SLC13A5: variants seen among roughly 807,000 people sequenced by gnomAD.
The protein encoded by SLC13A5 is Na(+)/citrate cotransporter.
In SLC13A5, 25 loss-of-function variants were observed where a neutral mutation model predicts 56.5. The ratio of observed to expected loss-of-function variants is 0.44; its 90% confidence interval spans 0.32 to 0.62. SLC13A5 has a LOEUF of 0.62. Ranked by LOEUF, SLC13A5 falls within the 20% of genes least tolerant of loss-of-function variation. The pLI is 0.04. For missense variants in SLC13A5, 649 were observed against 737.8 expected (o/e 0.88, Z 1.39); for synonymous variants, 307 against 301.5 (o/e 1.02, Z -0.19).
At position 6,702,995 on chromosome 17, in the gene SLC13A5, C is replaced by T. The variant is rs759705331; in HGVS notation, c.691G>A (p.Val231Met). The T allele has an allele frequency of 8.7e-6, 14 of 1,614,078 alleles. No individual in the cohort carries two copies. Among genetic ancestry groups the T allele is most frequent in the East Asian group, 2.2e-5 (1 of 44,898 alleles). ...TATLTGTGPN[V>M]VLLGQMNELF... ...TCGTTCATCTGGCCCAGGAGCACCA[C>T]GTTGGGTCCCGTCCCGGTCAGGGTG... is the stretch of plus-strand genomic sequence containing the variant. The change falls in exon 5 of 12, where the codon GTG (valine) becomes ATG (methionine). Residue 231 changes from valine (V) to methionine (M), a missense_variant. Val to Met is a conservative substitution (Grantham distance 21). Coordinates refer to ENST00000433363, the MANE Select transcript of SLC13A5 (RefSeq NM_177550.5).
intron 6 of SLC13A5, among the ~76,000 whole-genome samples, chr17:6,698,517 C>T (rs1238149921): frequency 6.6e-6 from 1 of 152,316 alleles, no homozygotes; most frequent in Non-Finnish European, 1.5e-5. Context: ...CCTGGTCATG[C>T]TTAGGTCTGG....
intron 7 of SLC13A5, 75 bp downstream of exon 7, chr17:6,695,651 A>G: frequency 6.6e-7 from 1 of 1,508,784 alleles, no homozygotes; most frequent in African/African-American, 1.4e-5. Flanking sequence ...TCAGCCTCCC[A>G]AAGTGCTGGG....
At chr17:6,703,337 G>A (rs1973770401) in intron 4 of SLC13A5, among the ~76,000 whole-genome samples, 199 bp from the exon 5 acceptor site, 1 of 152,234 alleles carries the variant, frequency 6.6e-6, no homozygotes, top group Non-Finnish European at 1.5e-5. Flanking sequence ...CCCAGGGTCT[G>A]GCAATCAGGC....
At chr17:6,706,616 T>A in intron 3 of SLC13A5, 26 bp downstream of exon 3, 1 of 1,610,240 alleles carries the variant, frequency 6.2e-7, no homozygotes, top group Non-Finnish European at 8.5e-7. Context: ...CAGAGCCACG[T>A]GGCAAGAGAG....
intron 6 of SLC13A5, among the ~76,000 whole-genome samples, chr17:6,697,857 T>C (rs1217026508): frequency 1.3e-5 from 2 of 152,172 alleles, no homozygotes; most frequent in Admixed American, 6.5e-5. Flanking sequence ...TTCAGCAAGA[T>C]AGTTGTTCTG....
chr17:6,686,365 T>C lies in SLC13A5; in HGVS notation c.1576-27A>G, dbSNP rs200082361. On this transcript the variant is annotated intron_variant, in intron 11 of 11. Coordinates refer to ENST00000433363, the MANE Select transcript of SLC13A5 (RefSeq NM_177550.5). ...TGGAAAAGAGACAGAGTCAGCACCCTGAGGCCTGCTGGGGACTAGTGCTCT... is the reference window on the plus strand; with the variant it reads ...TGGAAAAGAGACAGAGTCAGCACCCCGAGGCCTGCTGGGGACTAGTGCTCT... 107 of 1,613,404 alleles carry C rather than the reference T, an allele frequency of 6.6e-5. No homozygotes were observed. The African/African-American group carries it at 1.1e-3, about 17-fold the overall frequency.
rs778685847 is a variant in SLC13A5, at chr17:6,702,956, G to A, written c.716+14C>T. On this transcript the variant is annotated intron_variant, in intron 5 of 11. Coordinates refer to ENST00000433363, the MANE Select transcript of SLC13A5 (RefSeq NM_177550.5). ...CCACTTCGTTGTCCCCAGAAGGTGC[G>A]ACCAAGGACTCACTCGTTCATCTGG... 1.1e-5 allele frequency: 17 copies of A among 1,605,794 alleles called. No individual in the cohort carries two copies. In the Admixed American group the frequency reaches 1.2e-4, roughly 11 times the overall value.
At chr17:6,694,513 CA>C (rs1973507614) in intron 7 of SLC13A5, among the ~76,000 whole-genome samples, 1 of 152,014 alleles carries the variant, frequency 6.6e-6, no homozygotes, top group Non-Finnish European at 1.5e-5. Flanking sequence ...AGCTACTCGG[CA>C]GGCTGAGGCA....
intron 1 of SLC13A5, among the ~76,000 whole-genome samples, chr17:6,708,002 C>T (rs1344821543): frequency 1.3e-5 from 2 of 152,102 alleles, no homozygotes; most frequent in Non-Finnish European, 2.9e-5. Context: ...GACAGAGTTT[C>T]GATCCTGTTG....
Position 6,692,522 on chromosome 17 carries a change from C to A in SLC13A5, c.1275+522G>T, listed in dbSNP as rs1267764815. ...CAGCAGCAAGCTAGCTCATCCCTCC[C>A]TCTGGCTCATTTCTTCCCCAGGAGG... On this transcript the variant is annotated intron_variant, in intron 9 of 11. Transcript: ENST00000433363. The surrounding 1 kb of genome is among the most constrained non-coding windows in gnomAD (Gnocchi z 5.5). 6.6e-6 allele frequency among the ~76,000 whole-genome samples: 1 copy of A among 152,174 alleles called. No individual in the cohort carries two copies. The highest frequency in any genetic ancestry group is 2.4e-5 in the African/African-American group (1 of 41,438).
intron 1 of SLC13A5, among the ~76,000 whole-genome samples, chr17:6,708,490 C>T (rs1973931076): frequency 6.6e-6 from 1 of 152,190 alleles, no homozygotes; most frequent in Non-Finnish European, 1.5e-5. Context: ...GTAAGCGAAA[C>T]AACATAAGCC....
At chr17:6,686,763 A>C in intron 11 of SLC13A5, 1 of 181,876 alleles carries the variant, frequency 5.5e-6, no homozygotes, top group Non-Finnish European at 1.2e-5. Flanking sequence ...AGCTTCCCTC[A>C]TGGTCACTAA....
chr17:6,706,893 G>A (rs1567624992), intron 2 of SLC13A5, 115 bp from the exon 3 acceptor site: 3 of 1,558,260 alleles, frequency 1.9e-6, no homozygotes, highest in Non-Finnish European at 2.6e-6. Flanking sequence ...GGCTCGAGTG[G>A]TGTCTCCCTG....
intron 1 of SLC13A5, among the ~76,000 whole-genome samples, chr17:6,712,133 C>A (rs1052872383): frequency 6.6e-6 from 1 of 152,222 alleles, no homozygotes; most frequent in African/African-American, 2.4e-5. Flanking sequence ...TAAAGTCACA[C>A]AGATGACAGA....
intron 6 of SLC13A5, among the ~76,000 whole-genome samples, chr17:6,698,206 A>G (rs1009670417): frequency 3.3e-5 from 5 of 152,228 alleles, no homozygotes; most frequent in Non-Finnish European, 7.3e-5. Context: ...CCCGTCGGGA[A>G]GGGGAAGGGG....
chr17:6,706,677 C>A lies in SLC13A5; in HGVS notation c.333G>T (p.Leu111=). ...TGGCCCCCACCCAGAGGAGCGTGCGCAGGGCGATCCTCTTGTGCAGGTTCC... is the reference window on the plus strand; with the variant it reads ...TGGCCCCCACCCAGAGGAGCGTGCGAAGGGCGATCCTCTTGTGCAGGTTCC... ...ERWNLHKRIA[L]RTLLWVGAKP... Residue 111 remains leucine (L), a synonymous_variant, in exon 3 of 12, where the codon CTG becomes CTT. Coordinates refer to ENST00000433363, the MANE Select transcript of SLC13A5 (RefSeq NM_177550.5). The A allele has an allele frequency of 2.5e-6, 4 of 1,613,906 alleles. No individual in the cohort carries two copies. The highest frequency in any genetic ancestry group is 3.4e-6 in the Non-Finnish European group (4 of 1,179,966).
At position 6,686,073 on chromosome 17, in the gene SLC13A5, G is replaced by A. The variant is rs1973238660; in HGVS notation, c.*134C>T. ...GCTTGGAGGAAGAGGTGGCCCATTG[G>A]CTGGGTTTTGGTGGTGTGTGGACAT... is the stretch of plus-strand genomic sequence containing the variant. On this transcript the variant is annotated 3_prime_UTR_variant, in exon 12 of 12. Coordinates refer to ENST00000433363, the MANE Select transcript of SLC13A5 (RefSeq NM_177550.5). 7.7e-7 allele frequency: 1 copy of A among 1,305,156 alleles called. No homozygotes were observed. The highest frequency in any genetic ancestry group is 1.1e-6 in the Non-Finnish European group (1 of 941,962). 80.8% of individuals were successfully genotyped at this position (1,305,156 alleles called of 1,614,324 possible).
Position 6,687,470 on chromosome 17 carries a change from C to T in SLC13A5, c.1575+59G>A. On this transcript the variant is annotated intron_variant, in intron 11 of 11. Coordinates refer to ENST00000433363, the MANE Select transcript of SLC13A5 (RefSeq NM_177550.5). The surrounding 1 kb of genome is among the most constrained non-coding windows in gnomAD (Gnocchi z 5.0). ...GAAACTCTGTCATTCATAAATGGGG[C>T]ATCCCTTATGACAACAGCGTTATAG... 1 of 1,598,040 alleles carries T rather than the reference C, an allele frequency of 6.3e-7. No individual in the cohort carries two copies. The highest frequency in any genetic ancestry group is 2.3e-5 in the East Asian group (1 of 44,194).
chr17:6,704,077 G>C, intron 3 of SLC13A5, 21 bp from the exon 4 acceptor site: 1 of 1,601,326 alleles, frequency 6.2e-7, no homozygotes, highest in Non-Finnish European at 8.5e-7. Flanking sequence ...GGGGCAGGGA[G>C]GAAAGCCAGA....
Sources: gnomAD v4.1 joint callset for allele counts (sites outside exome capture counted in the v4.1 genomes callset) on GRCh38, gnomAD v4.1.1 for gene constraint, Gnocchi (gnomAD v3.1) non-coding constraint, MANE v1.5 for transcripts, NCBI Gene and HGNC (gene_info 2026-07-23, HGNC 2026-07-21) for gene names.